Variants in LHFPL6 observed in about 807,000 individuals in gnomAD.
The protein encoded by LHFPL6 is LHFPL tetraspan subfamily member 6 protein.
In LHFPL6, 9 loss-of-function variants were observed where a neutral mutation model predicts 20.6. The ratio of observed to expected loss-of-function variants is 0.44; its 90% confidence interval spans 0.26 to 0.76. The LOEUF is 0.76. Among genes scored for constraint, LHFPL6 ranks in the 30% least tolerant of loss-of-function variants. The probability of loss-of-function intolerance (pLI) is 0.20; values close to 1 mark genes in which losing one functional copy is unlikely to be tolerated. For synonymous variants in LHFPL6, 105 were observed against 98.7 expected (o/e 1.06, Z -0.38); for missense variants, 218 against 253.5 (o/e 0.86, Z 0.95).
At chr13:39,552,812 G>GT (rs765274542) in intron 2 of LHFPL6, among the ~76,000 whole-genome samples, 3 of 152,176 alleles carry the variant, frequency 2.0e-5, no homozygotes, top group Admixed American at 6.5e-5. Flanking sequence ...TATTTAGCCA[G>GT]TTTTTTTAAT....
chr13:39,429,722 C>T (rs908453323), intron 2 of LHFPL6, among the ~76,000 whole-genome samples: 5 of 152,098 alleles, frequency 3.3e-5, no homozygotes, highest in Non-Finnish European at 7.4e-5. Flanking sequence ...TCTCCAAATC[C>T]TCTTCTCCCA....
intron 2 of LHFPL6, among the ~76,000 whole-genome samples, chr13:39,504,672 C>T (rs1200666818): frequency 6.6e-6 from 1 of 152,186 alleles, no homozygotes; most frequent in East Asian, 1.9e-4. Context: ...AAGGCCCTCT[C>T]TAATGACTTC....
rs1869317795 is a variant in LHFPL6 at position 39,343,834 on chromosome 13, G to A, written c.*102C>T. The A allele has an allele frequency of 1.3e-6, 1 of 752,600 alleles. No individual in the cohort carries two copies. Among genetic ancestry groups the A allele is most frequent in the African/African-American group, 1.7e-5 (1 of 58,020 alleles). 46.6% of individuals were successfully genotyped at this position (752,600 alleles called of 1,614,324 possible). ...GTTTCATTTTATTAGCATTGTATTG[G>A]ATTAGAACTACTATCCCACCTTTTG... On this transcript the variant is annotated 3_prime_UTR_variant, in exon 4 of 4. Transcript: ENST00000379589.
At chr13:39,433,284 C>T (rs1871866019) in intron 2 of LHFPL6, among the ~76,000 whole-genome samples, 1 of 152,092 alleles carries the variant, frequency 6.6e-6, no homozygotes, top group Admixed American at 6.5e-5. Flanking sequence ...AACAAGTCAA[C>T]CAATCAACTA....
chr13:39,550,103 A>G lies in LHFPL6; in HGVS notation c.385+50729T>C, dbSNP rs186764881. Reference sequence around the variant, plus strand: ...AATATACCAAAAACCATTGAATTATATATTTTAAAGGGGAAATTGTATGAT... The same window carrying G: ...AATATACCAAAAACCATTGAATTATGTATTTTAAAGGGGAAATTGTATGAT... On this transcript the variant is annotated intron_variant, in intron 2 of 3. Coordinates refer to ENST00000379589, the MANE Select transcript of LHFPL6 (RefSeq NM_005780.3). Among the ~76,000 whole-genome samples, 172 of 152,276 alleles carry G rather than the reference A, an allele frequency of 1.1e-3. 2 individuals are homozygous for G. Among genetic ancestry groups the G allele is most frequent in the African/African-American group, 3.9e-3 (161 of 41,522 alleles).
At chr13:39,521,992 T>C (rs1350002064) in intron 2 of LHFPL6, among the ~76,000 whole-genome samples, 1 of 152,166 alleles carries the variant, frequency 6.6e-6, no homozygotes, top group East Asian at 1.9e-4. Flanking sequence ...GCTTCCCGAT[T>C]GCTTTCACTA....
intron 2 of LHFPL6, among the ~76,000 whole-genome samples, chr13:39,566,619 G>A (rs1871725075): frequency 1.3e-5 from 2 of 150,534 alleles, no homozygotes; most frequent in African/African-American, 2.4e-5. Context: ...TGTAGTCCCA[G>A]GTACTCAGGA....
At chr13:39,470,326 A>G (rs1872910684) in intron 2 of LHFPL6, among the ~76,000 whole-genome samples, 1 of 152,204 alleles carries the variant, frequency 6.6e-6, no homozygotes, top group Non-Finnish European at 1.5e-5. Flanking sequence ...GAGCAAAATT[A>G]GCTTCAATTT....
chr13:39,441,540 T>C (rs969059288), intron 2 of LHFPL6, among the ~76,000 whole-genome samples: 4 of 152,070 alleles, frequency 2.6e-5, no homozygotes, highest in Non-Finnish European at 5.9e-5. Flanking sequence ...TGAGACAGGG[T>C]CTCACTTTGT....
intron 2 of LHFPL6, among the ~76,000 whole-genome samples, chr13:39,436,976 CCA>C (rs1446674299): frequency 2.0e-5 from 3 of 152,136 alleles, no homozygotes; most frequent in Non-Finnish European, 4.4e-5. Context: ...CTCTAAATCC[CCA>C]GATATATTTT....
chr13:39,490,791 A>G (rs1463221496), intron 2 of LHFPL6, among the ~76,000 whole-genome samples: 1 of 152,166 alleles, frequency 6.6e-6, no homozygotes, highest in African/African-American at 2.4e-5. Flanking sequence ...ACTCATTGCT[A>G]CTTATTTGGC....
At position 39,408,621 on chromosome 13, in the gene LHFPL6, A is replaced by C. The variant is rs571894008; in HGVS notation, c.386-30095T>G. On this transcript the variant is annotated intron_variant, in intron 2 of 3. Transcript: ENST00000379589. ...TCCTATATTTTGTACCAAACAAAAA[A>C]CAAACACTTATTCCTTATTGTTGAA... Among the ~76,000 whole-genome samples, 5 of 152,374 alleles carry C rather than the reference A, an allele frequency of 3.3e-5. No homozygotes were observed. The East Asian group carries it at 7.7e-4, about 24-fold the overall frequency.
At chr13:39,562,503 TACATATATACATATATAC>T (rs1871544493) in intron 2 of LHFPL6, among the ~76,000 whole-genome samples, 2 of 144,072 alleles carry the variant, frequency 1.4e-5, no homozygotes, top group Non-Finnish European at 3.0e-5. Context: ...TATACATATA[TACATATATACATATATAC>T]ACATATACAC....
At chr13:39,504,866 C>A (rs1292787689) in intron 2 of LHFPL6, among the ~76,000 whole-genome samples, 1 of 152,144 alleles carries the variant, frequency 6.6e-6, no homozygotes, top group Non-Finnish European at 1.5e-5. Context: ...GCTGCCAAAA[C>A]CGCAGAGGAA....
At chr13:39,506,003 A>G (rs1429141421) in intron 2 of LHFPL6, among the ~76,000 whole-genome samples, 1 of 152,172 alleles carries the variant, frequency 6.6e-6, no homozygotes, top group Non-Finnish European at 1.5e-5. Context: ...CTAACCACTC[A>G]ACTCAGATAA....
intron 3 of LHFPL6, among the ~76,000 whole-genome samples, chr13:39,356,761 C>T (rs1251217528): frequency 2.0e-5 from 3 of 152,214 alleles, no homozygotes; most frequent in African/African-American, 7.2e-5. Flanking sequence ...AGTCATTAAT[C>T]TAGAGGAAAT....
At chr13:39,461,378 G>C (rs1872683827) in intron 2 of LHFPL6, among the ~76,000 whole-genome samples, 1 of 152,162 alleles carries the variant, frequency 6.6e-6, no homozygotes, top group South Asian at 2.1e-4. Flanking sequence ...GGGTCAAATG[G>C]TAATTCTCTT....
At chr13:39,490,388 T>C (rs1207588962) in intron 2 of LHFPL6, among the ~76,000 whole-genome samples, 1 of 152,182 alleles carries the variant, frequency 6.6e-6, no homozygotes, top group Admixed American at 6.5e-5. Flanking sequence ...AGTCTCTAAG[T>C]GGGTGTATGG....
chr13:39,502,319 A>G (rs375065114), intron 2 of LHFPL6, among the ~76,000 whole-genome samples: 31 of 152,182 alleles, frequency 2.0e-4, no homozygotes, highest in African/African-American at 7.2e-4. Context: ...TCAGCAGCAT[A>G]TTAAAAATAC....
Sources: allele counts gnomAD v4.1 joint callset (sites outside exome capture counted in the v4.1 genomes callset), GRCh38; gene constraint gnomAD v4.1.1; transcripts MANE v1.5; gene names NCBI Gene and HGNC (gene_info 2026-07-23, HGNC 2026-07-21).